The following FAM227B variants were observed in gnomAD, a reference collection of about 807,000 sequenced individuals.
The protein encoded by FAM227B is family with sequence similarity 227 member B, also known as protein FAM227B.
A neutral mutation model predicts 73.8 loss-of-function variants in FAM227B; 88 were observed. The ratio of observed to expected loss-of-function variants is 1.19; its 90% CI spans 1.00 to 1.42. FAM227B has a LOEUF of 1.42. Among genes scored for constraint, FAM227B ranks in the 40% most tolerant of loss-of-function variants. The pLI is 0.00. For synonymous variants in FAM227B, 210 were observed against 190.5 expected (o/e 1.10, Z -0.84); for missense variants, 632 against 590.9 (o/e 1.07, Z -0.72).
At chr15:49,364,283 A>G (rs370003451) in intron 13 of FAM227B, among the ~76,000 whole-genome samples, 263 of 152,202 alleles carry the variant, frequency 1.7e-3, no homozygotes, top group African/African-American at 6.0e-3. Flanking sequence ...TTCTGATACA[A>G]TTTCAGAACT....
At chr15:49,383,850 G>A (rs2046700678) in intron 11 of FAM227B, among the ~76,000 whole-genome samples, 1 of 152,044 alleles carries the variant, frequency 6.6e-6, no homozygotes, top group Admixed American at 6.6e-5. Context: ...AGGTTGTTGA[G>A]ACTCATAATC....
chr15:49,349,740 T>C (rs892401542), intron 13 of FAM227B, among the ~76,000 whole-genome samples: 5 of 152,164 alleles, frequency 3.3e-5, no homozygotes, highest in African/African-American at 1.2e-4. Context: ...TGACCTCTAC[T>C]GACTTCTGGG....
intron 9 of FAM227B, among the ~76,000 whole-genome samples, chr15:49,560,637 G>C (rs1438819676): frequency 6.7e-6 from 1 of 149,828 alleles, no homozygotes; most frequent in Non-Finnish European, 1.5e-5. Flanking sequence ...AAAATGGTCA[G>C]ATTATGTATG....
chr15:49,399,475 G>A (rs1411104442), intron 11 of FAM227B, among the ~76,000 whole-genome samples: 1 of 148,946 alleles, frequency 6.7e-6, no homozygotes, highest in African/African-American at 2.5e-5. Context: ...TAGAAAAAGA[G>A]GGAATCCTCC....
At chr15:49,613,151 G>T (rs1042915207) in intron 2 of FAM227B, among the ~76,000 whole-genome samples, 37 of 152,078 alleles carry the variant, frequency 2.4e-4, no homozygotes, top group African/African-American at 8.5e-4. Context: ...AGGAGTTTGA[G>T]ACCAGGTTGG....
chr15:49,611,357 A>AAATAGAGT, intron 2 of FAM227B, 89 bp from the exon 3 acceptor site: 1 of 668,254 alleles, frequency 1.5e-6, no homozygotes, highest in Non-Finnish European at 2.5e-6. Context: ...ATAAAATGAT[A>AAATAGAGT]CTCTATTTAT....
intron 2 of FAM227B, among the ~76,000 whole-genome samples, chr15:49,613,127 G>T (rs2078058810): frequency 6.6e-6 from 1 of 152,108 alleles, no homozygotes; most frequent in Non-Finnish European, 1.5e-5. Context: ...AAGACAGGAG[G>T]ACTGCTTGAG....
chr15:49,476,624 T>C lies in FAM227B; in HGVS notation c.1012+31587A>G, dbSNP rs191643723. 4.2e-3 allele frequency among the ~76,000 whole-genome samples: 638 copies of C among 152,238 alleles called. 8 individuals carry two copies. The highest frequency in any genetic ancestry group is 0.015 in the African/African-American group (613 of 41,572). Reference sequence around the variant, plus strand: ...TAATTAATAAATCACATATGTTCTATATATTTTGGACATAAATAAATAATG... The same window carrying C: ...TAATTAATAAATCACATATGTTCTACATATTTTGGACATAAATAAATAATG... On this transcript the variant is annotated intron_variant, in intron 11 of 15. Transcript: ENST00000299338.
At chr15:49,542,375 T>A (rs1223710650) in intron 9 of FAM227B, among the ~76,000 whole-genome samples, 3 of 152,122 alleles carry the variant, frequency 2.0e-5, no homozygotes, top group Admixed American at 2.0e-4. Context: ...GGTATCTAAT[T>A]GCATGGAAAA....
rs551106691 is a variant in FAM227B at position 49,584,998 on chromosome 15, AAAAC to A, written c.405+3014_405+3017del. ...ATGAACTCAAACAAATTACAAGAAAAAAACAAACAACCCCATCAAAAAGTGGGCG... is the reference window on the plus strand; with the variant it reads ...ATGAACTCAAACAAATTACAAGAAAAAAACAACCCCATCAAAAAGTGGGCG... On this transcript the variant is annotated intron_variant, in intron 5 of 15. Coordinates refer to ENST00000299338, the MANE Select transcript of FAM227B (RefSeq NM_152647.3). 1.9e-3 allele frequency among the ~76,000 whole-genome samples: 296 copies of A among 152,328 alleles called. 1 individual carries two copies. The highest frequency in any genetic ancestry group is 6.8e-3 in the African/African-American group (284 of 41,560).
At chr15:49,524,843 G>C (rs377034989) in intron 10 of FAM227B, among the ~76,000 whole-genome samples, 1 of 152,302 alleles carries the variant, frequency 6.6e-6, no homozygotes, top group East Asian at 1.9e-4. Flanking sequence ...TCCCCCACCA[G>C]ATTTCAGACT....
intron 11 of FAM227B, among the ~76,000 whole-genome samples, chr15:49,397,373 T>C (rs1331708307): frequency 6.6e-6 from 1 of 152,154 alleles, no homozygotes; most frequent in Non-Finnish European, 1.5e-5. Flanking sequence ...TACGTCTGAC[T>C]GGTGTACCTG....
chr15:49,440,784 A>G (rs4581658), intron 11 of FAM227B, among the ~76,000 whole-genome samples: 2 of 151,714 alleles, frequency 1.3e-5, no homozygotes, highest in Non-Finnish European at 3.0e-5. Flanking sequence ...TCAGGGCTCT[A>G]CAGAAATGAA....
chr15:49,618,986 C>T (rs1325180921), intron 1 of FAM227B, among the ~76,000 whole-genome samples: 4 of 152,160 alleles, frequency 2.6e-5, no homozygotes, highest in African/African-American at 7.2e-5. Flanking sequence ...TTCTGGCCAA[C>T]AGAATGTGGC....
intron 11 of FAM227B, among the ~76,000 whole-genome samples, chr15:49,458,864 A>AT (rs1315946980): frequency 6.6e-6 from 1 of 152,002 alleles, no homozygotes; most frequent in Non-Finnish European, 1.5e-5. Context: ...TATTTTGTCT[A>AT]TTTTTTCTAG....
intron 11 of FAM227B, among the ~76,000 whole-genome samples, chr15:49,415,019 T>C (rs909838755): frequency 6.6e-6 from 1 of 152,134 alleles, no homozygotes; most frequent in Non-Finnish European, 1.5e-5. Flanking sequence ...ATAATTAAGG[T>C]GGTGGACTCC....
chr15:49,409,644 A>T (rs2048745871), intron 11 of FAM227B, among the ~76,000 whole-genome samples: 1 of 151,872 alleles, frequency 6.6e-6, no homozygotes, highest in African/African-American at 2.4e-5. Context: ...TATTATTGTT[A>T]TTACTATTTT....
intron 2 of FAM227B, among the ~76,000 whole-genome samples, chr15:49,611,550 G>A (rs1339928473): frequency 6.6e-6 from 1 of 152,084 alleles, no homozygotes; most frequent in Non-Finnish European, 1.5e-5. Flanking sequence ...CCTCATTTCA[G>A]ATTCCTAAAA....
At chr15:49,578,773 G>T (rs929371638) in intron 5 of FAM227B, among the ~76,000 whole-genome samples, 1 of 152,160 alleles carries the variant, frequency 6.6e-6, no homozygotes, top group South Asian at 2.1e-4. Context: ...ATGCTTGAAA[G>T]CTATAGATCA....
Sources: gnomAD v4.1 joint callset for allele counts (sites outside exome capture counted in the v4.1 genomes callset) on GRCh38, gnomAD v4.1.1 for gene constraint, MANE v1.5 for transcripts, NCBI Gene and HGNC (gene_info 2026-07-23, HGNC 2026-07-21) for gene names.